Variants in FRMD3 observed in about 807,000 individuals in gnomAD.
The protein encoded by FRMD3 is FERM domain-containing protein 3.
Under a neutral mutation model 70.2 loss-of-function variants are expected in FRMD3, and 33 were observed. That is an observed-to-expected ratio of 0.47 (90% CI 0.36 to 0.63). The LOEUF (loss-of-function observed/expected upper bound fraction) is 0.63. Ranked by LOEUF, FRMD3 falls within the 20% of genes least tolerant of loss-of-function variation. FRMD3 has a pLI of 0.00. For missense variants in FRMD3, 632 were observed against 711.4 expected (o/e 0.89, Z 1.27); for synonymous variants, 279 against 255.9 (o/e 1.09, Z -0.86).
At chr9:83,541,195 T>C (rs1248827935), upstream of FRMD3, among the ~76,000 whole-genome samples, 1 of 152,196 alleles carries the variant, frequency 6.6e-6, no homozygotes, top group Non-Finnish European at 1.5e-5. Context: ...CCAGATTCAG[T>C]CACACCCTAG....
At chr9:83,565,835 A>G in the FRMD3 span, among the ~76,000 whole-genome samples, 1 of 152,240 alleles carries the variant, frequency 6.6e-6, no homozygotes, top group Non-Finnish European at 1.5e-5. Context: ...GAGAAATTTG[A>G]GAAAGGAGTT....
intron 1 of FRMD3, among the ~76,000 whole-genome samples, chr9:83,451,389 T>TCTCACACA (rs71498056): frequency 2.0e-5 from 3 of 147,478 alleles, no homozygotes; most frequent in Non-Finnish European, 4.5e-5. Flanking sequence ...AATACATACA[T>TCTCACACA]CACACACACA....
chr9:83,550,993 G>A, the FRMD3 span, among the ~76,000 whole-genome samples: 2 of 151,954 alleles, frequency 1.3e-5, no homozygotes, highest in African/African-American at 4.8e-5. Flanking sequence ...GATTGCTCTG[G>A]CTAGAACTTC....
chr9:83,252,393 A>G (rs899115200), intron 13 of FRMD3, among the ~76,000 whole-genome samples: 1 of 152,142 alleles, frequency 6.6e-6, no homozygotes, highest in Non-Finnish European at 1.5e-5. Context: ...GAAAGGAAAA[A>G]CCATTTCCAG....
intron 13 of FRMD3, among the ~76,000 whole-genome samples, chr9:83,271,030 CCT>C (rs1833531343): frequency 6.6e-6 from 1 of 152,178 alleles, no homozygotes; most frequent in African/African-American, 2.4e-5. Flanking sequence ...CCTTGGGAAA[CCT>C]ACAGAAGCCT....
chr9:83,507,687 C>CATATATATATATATAT (rs60192207), intron 1 of FRMD3, among the ~76,000 whole-genome samples: 1 of 46,930 alleles, frequency 2.1e-5, no homozygotes, highest in Non-Finnish European at 4.8e-5. Flanking sequence ...AAAAAATATA[C>CATATATATATATATAT]ATACATATAT....
At chr9:83,385,447 T>A (rs1391827243) in intron 2 of FRMD3, among the ~76,000 whole-genome samples, 1 of 152,154 alleles carries the variant, frequency 6.6e-6, no homozygotes, top group Admixed American at 6.5e-5. Flanking sequence ...GCCCTGGACA[T>A]CAAAATAGCA....
intron 1 of FRMD3, among the ~76,000 whole-genome samples, chr9:83,470,728 T>C (rs1161941127): frequency 6.6e-6 from 1 of 152,374 alleles, no homozygotes; most frequent in African/African-American, 2.4e-5. Context: ...TGTGGTACAA[T>C]GATTTTTGAT....
At chr9:83,420,937 CTTT>C (rs897070718) in intron 1 of FRMD3, among the ~76,000 whole-genome samples, 6 of 107,712 alleles carry the variant, frequency 5.6e-5, no homozygotes, top group South Asian at 6.8e-4. Context: ...TTTCTTTCTT[CTTT>C]TTTTTTTTTT....
At chr9:83,371,542 C>T (rs1482453659) in intron 3 of FRMD3, among the ~76,000 whole-genome samples, 1 of 152,218 alleles carries the variant, frequency 6.6e-6, no homozygotes, top group African/African-American at 2.4e-5. Flanking sequence ...GTCTCAATCT[C>T]TTGACCTCCT....
chr9:83,409,561 C>T (rs974618086), intron 1 of FRMD3, among the ~76,000 whole-genome samples: 5 of 152,222 alleles, frequency 3.3e-5, no homozygotes, highest in African/African-American at 1.2e-4. Flanking sequence ...AGGAAATTGG[C>T]CACAGCAAAT....
At chr9:83,378,533 TATATA>T in intron 2 of FRMD3, among the ~76,000 whole-genome samples, 2 of 129,140 alleles carry the variant, frequency 1.5e-5, no homozygotes, top group Admixed American at 9.0e-5. Context: ...AAAATTTATA[TATATA>T]ATATACATAT....
intron 2 of FRMD3, among the ~76,000 whole-genome samples, chr9:83,374,424 C>A (rs900587091): frequency 1.3e-5 from 2 of 152,016 alleles, no homozygotes; most frequent in African/African-American, 4.8e-5. Context: ...GTTGCACAGA[C>A]AAACTGAAAA....
the FRMD3 span, among the ~76,000 whole-genome samples, chr9:83,549,289 C>A: frequency 6.6e-6 from 1 of 152,070 alleles, no homozygotes; most frequent in Admixed American, 6.6e-5. Flanking sequence ...TGATATTGTT[C>A]TTTTTTATGA....
chr9:83,442,350 T>G (rs1348737706), intron 1 of FRMD3, among the ~76,000 whole-genome samples: 1 of 148,872 alleles, frequency 6.7e-6, no homozygotes, highest in African/African-American at 2.5e-5. Context: ...CTCCACCTCC[T>G]GGGTTCAAGC....
intron 12 of FRMD3, among the ~76,000 whole-genome samples, chr9:83,294,662 A>G (rs1834587096): frequency 6.6e-6 from 1 of 152,192 alleles, no homozygotes; most frequent in African/African-American, 2.4e-5. Context: ...ACTGAGACTC[A>G]GGGAGCTTAT....
intron 3 of FRMD3, among the ~76,000 whole-genome samples, chr9:83,359,406 G>T (rs558058947): frequency 6.6e-6 from 1 of 152,040 alleles, no homozygotes; most frequent in African/African-American, 2.4e-5. Context: ...AAATTGCTGC[G>T]TCCAAACTTA....
intron 3 of FRMD3, among the ~76,000 whole-genome samples, chr9:83,366,160 A>G (rs751331122): frequency 6.6e-6 from 1 of 152,088 alleles, no homozygotes; most frequent in Non-Finnish European, 1.5e-5. Flanking sequence ...GTGGAGAGAA[A>G]GGGAAAAGCT....
At chr9:83,275,102 A>C (rs1833752354) in intron 13 of FRMD3, among the ~76,000 whole-genome samples, 1 of 152,214 alleles carries the variant, frequency 6.6e-6, no homozygotes, top group Non-Finnish European at 1.5e-5. Flanking sequence ...GATGCGTTAA[A>C]TATGAGCTGT....
Sources: allele counts gnomAD v4.1 joint callset (sites outside exome capture counted in the v4.1 genomes callset), GRCh38; gene constraint gnomAD v4.1.1; transcripts MANE v1.5; gene names NCBI Gene and HGNC (gene_info 2026-07-23, HGNC 2026-07-21).